SRP9: variants seen among roughly 807,000 people sequenced by gnomAD.
The protein encoded by SRP9 is signal recognition particle 9 kDa protein.
SRP9 carries 2 observed loss-of-function variants against 11.7 expected under a neutral mutation model. The ratio of observed to expected loss-of-function variants is 0.17; its 90% CI spans 0.07 to 0.54. SRP9 has a LOEUF of 0.54. Among genes scored for constraint, SRP9 ranks in the 20% least tolerant of loss-of-function variants. The pLI is 0.94. For synonymous variants in SRP9, 27 were observed against 35.6 expected, an observed-to-expected ratio of 0.76 and a Z score of 0.86; for missense variants, 54 against 108.1, an observed-to-expected ratio of 0.50 and a Z score of 2.22.
intron 1 of SRP9, among the ~76,000 whole-genome samples, chr1:225,782,587 T>C (rs1304715494): frequency 6.6e-6 from 1 of 152,228 alleles, no homozygotes; most frequent in East Asian, 1.9e-4. Flanking sequence ...GAAGTGTTCT[T>C]GGGAGATGTC....
At chr1:225,788,518 C>T (rs921684820) in intron 2 of SRP9, among the ~76,000 whole-genome samples, 3 of 150,670 alleles carry the variant, frequency 2.0e-5, no homozygotes, top group Admixed American at 6.6e-5. Context: ...TGGGTTCAAG[C>T]GATTCTCCTG....
chr1:225,784,466 A>T (rs2102649668), intron 2 of SRP9, among the ~76,000 whole-genome samples: 1 of 147,860 alleles, frequency 6.8e-6, no homozygotes, highest in Admixed American at 6.7e-5. Flanking sequence ...GGCCAGGATG[A>T]TCTGGATCTC....
rs1279495839 is a variant in SRP9, at chr1:225,790,339, C to G, written c.*980C>G. 1 of 152,180 alleles carries G rather than the reference C, an allele frequency of 6.6e-6. No individual in the cohort carries two copies. The highest frequency in any genetic ancestry group is 1.5e-5 in the Non-Finnish European group (1 of 68,038). The allele number at this position is 152,180 out of a possible 1,614,324, so 9.4% of individuals were successfully genotyped here. On this transcript the variant is annotated 3_prime_UTR_variant, in exon 3 of 3. Transcript: ENST00000304786. Reference sequence around the variant, plus strand: ...ATTCCTCAAGAATGAAATGAAGGCACTACATTGAAATATGTTTTGTATAAA... The same window carrying G: ...ATTCCTCAAGAATGAAATGAAGGCAGTACATTGAAATATGTTTTGTATAAA...
chr1:225,779,167 C>T (rs1409017855), intron 1 of SRP9, among the ~76,000 whole-genome samples: 21 of 144,652 alleles, frequency 1.5e-4, no homozygotes, highest in Non-Finnish European at 2.8e-4. Flanking sequence ...TTTTTTGAGA[C>T]GAAATCTCGC....
intron 2 of SRP9, chr1:225,786,789 A>G: frequency 1.6e-6 from 2 of 1,247,210 alleles, no homozygotes; most frequent in African/African-American, 1.6e-5. Flanking sequence ...ATGAGTGCTT[A>G]CCCTTGGTAG....
Position 225,789,221 on chromosome 1 carries a change from CT to C in SRP9, c.142-17del, listed in dbSNP as rs769777605. 3.0e-5 allele frequency: 48 copies of C among 1,606,774 alleles called. No individual in the cohort carries two copies. Among genetic ancestry groups the C allele is most frequent in the Non-Finnish European group, 3.5e-5 (41 of 1,176,492 alleles). On this transcript the variant is annotated intron_variant, in intron 2 of 2. Transcript: ENST00000304786. ...TCTAGTTTTATATAGTTAATATGTACTTCTAAAATTTCTGACAGTGTTTGGT... is the reference window on the plus strand; with the variant it reads ...TCTAGTTTTATATAGTTAATATGTACTCTAAAATTTCTGACAGTGTTTGGT...
intron 1 of SRP9, among the ~76,000 whole-genome samples, chr1:225,782,143 C>T (rs1364569023): frequency 6.6e-6 from 1 of 151,722 alleles, no homozygotes; most frequent in East Asian, 1.9e-4. Flanking sequence ...AGATAAGTAG[C>T]AGTTTTTATT....
chr1:225,782,058 AGTTTCCAGAATTGTCTTGAG>A (rs560709333), intron 1 of SRP9, among the ~76,000 whole-genome samples: 7 of 151,958 alleles, frequency 4.6e-5, no homozygotes, highest in Non-Finnish European at 1.0e-4. Context: ...CTTTTTATTT[AGTTTCCAGAATTGTCTTGAG>A]GCCTCTGGTG....
In SRP9 at chr1:225,789,865, T is replaced by C. The variant is rs1665992545; in HGVS notation, c.*506T>C. ...GTTATACATACTGTGTACCTAATTA[T>C]GTATAGCAGTGTAGTCTCAATTATA... On this transcript the variant is annotated 3_prime_UTR_variant, in exon 3 of 3. Coordinates refer to ENST00000304786, the MANE Select transcript of SRP9 (RefSeq NM_003133.6). 6.5e-6 allele frequency: 1 copy of C among 153,340 alleles called. No homozygotes were observed. The highest frequency in any genetic ancestry group is 6.4e-5 in the Admixed American group (1 of 15,510). The allele number at this position is 153,340 out of a possible 1,614,324, so 9.5% of individuals were successfully genotyped here. A position where few individuals can be genotyped will look rare whatever the true frequency, so the allele number is the denominator to read the frequency against.
At chr1:225,785,676 G>T (rs1454846477) in intron 2 of SRP9, among the ~76,000 whole-genome samples, 2 of 134,688 alleles carry the variant, frequency 1.5e-5, no homozygotes, top group Admixed American at 1.5e-4. Context: ...CACTGTGCCT[G>T]GACTTTTTTT....
intron 2 of SRP9, among the ~76,000 whole-genome samples, chr1:225,783,572 C>G (rs1359760963): frequency 6.6e-6 from 1 of 152,180 alleles, no homozygotes; most frequent in Non-Finnish European, 1.5e-5. Flanking sequence ...TGCATTATGT[C>G]AAGTGTCTTT....
At chr1:225,778,050 C>T (rs746960470) in intron 1 of SRP9, 38 bp downstream of exon 1, 7 of 1,611,050 alleles carry the variant, frequency 4.3e-6, no homozygotes, top group Middle Eastern at 1.7e-4. Context: ...GGGCCCCAGC[C>T]CAGGATGTCT....
chr1:225,781,401 T>TC (rs987165545), intron 1 of SRP9, among the ~76,000 whole-genome samples: 1 of 139,388 alleles, frequency 7.2e-6, no homozygotes, highest in Non-Finnish European at 1.6e-5. Flanking sequence ...TTTTCTTTTT[T>TC]TTTTTTTTTT....
chr1:225,785,896 G>C, intron 2 of SRP9, among the ~76,000 whole-genome samples: 1 of 151,990 alleles, frequency 6.6e-6, no homozygotes, highest in East Asian at 1.9e-4. Context: ...TCGCCCAGGC[G>C]GCTGGAGTTG....
At chr1:225,785,779 T>C (rs1236622223) in intron 2 of SRP9, among the ~76,000 whole-genome samples, 1 of 151,264 alleles carries the variant, frequency 6.6e-6, no homozygotes, top group African/African-American at 2.4e-5. Flanking sequence ...GCCTTCCGGG[T>C]TCAAGCAATT....
intron 2 of SRP9, chr1:225,786,808 C>G: frequency 8.0e-7 from 1 of 1,255,236 alleles, no homozygotes; most frequent in Non-Finnish European, 1.0e-6. Flanking sequence ...AGATTGAGTA[C>G]ATGTATTCTT....
At chr1:225,778,777 T>A (rs139775404) in intron 1 of SRP9, among the ~76,000 whole-genome samples, 1 of 152,368 alleles carries the variant, frequency 6.6e-6, no homozygotes, top group Non-Finnish European at 1.5e-5. Flanking sequence ...TAAGAATTAT[T>A]TGAAGCATCT....
intron 2 of SRP9, among the ~76,000 whole-genome samples, chr1:225,785,046 A>G (rs1204361476): frequency 1.3e-5 from 2 of 151,728 alleles, no homozygotes; most frequent in African/African-American, 4.8e-5. Flanking sequence ...AGTTGCTGGG[A>G]TTACACACAT....
At chr1:225,786,805 G>C (rs1665925230) in intron 2 of SRP9, 3 of 1,254,954 alleles carry the variant, frequency 2.4e-6, no homozygotes, top group South Asian at 1.3e-5. Context: ...GGTAGATTGA[G>C]TACATGTATT....
Sources: allele counts gnomAD v4.1 joint callset (sites outside exome capture counted in the v4.1 genomes callset), GRCh38; gene constraint gnomAD v4.1.1; transcripts MANE v1.5; gene names NCBI Gene and HGNC (gene_info 2026-07-23, HGNC 2026-07-21).